HACD3: variants seen among roughly 807,000 people sequenced by gnomAD.
HACD3 encodes 3-hydroxyacyl-CoA dehydratase 3.
In HACD3, 30 loss-of-function variants were observed where a neutral mutation model predicts 55.2. The ratio of observed to expected loss-of-function variants is 0.54; its 90% CI spans 0.41 to 0.74. The LOEUF is 0.74. Ranked by LOEUF, HACD3 falls within the 30% of genes least tolerant of loss-of-function variation. HACD3 has a pLI of 0.00. For synonymous variants in HACD3, 141 were observed against 151.7 expected, an observed-to-expected ratio of 0.93 and a Z score of 0.52; for missense variants, 363 against 440.1, an observed-to-expected ratio of 0.82 and a Z score of 1.57.
intron 6 of HACD3, among the ~76,000 whole-genome samples, chr15:65,563,320 T>C (rs922193317): frequency 1.3e-5 from 2 of 152,320 alleles, no homozygotes; most frequent in East Asian, 3.9e-4. Context: ...CATAAAGATA[T>C]TAGTTCTTCT....
At chr15:65,532,458 T>G (rs915605815) in intron 1 of HACD3, among the ~76,000 whole-genome samples, 6 of 151,998 alleles carry the variant, frequency 3.9e-5, no homozygotes, top group Non-Finnish European at 7.4e-5. Flanking sequence ...AAACCCCATC[T>G]CTACTAAAAA....
intron 1 of HACD3, among the ~76,000 whole-genome samples, chr15:65,542,608 C>T (rs913700797): frequency 6.6e-6 from 1 of 151,872 alleles, no homozygotes; most frequent in African/African-American, 2.4e-5. Context: ...TTGCAAAACA[C>T]GCATATACAG....
At chr15:65,562,242 C>CCCT (rs1341506244) in intron 5 of HACD3, among the ~76,000 whole-genome samples, 1 of 152,204 alleles carries the variant, frequency 6.6e-6, no homozygotes, top group African/African-American at 2.4e-5. Context: ...GTGCAGTGTT[C>CCCT]CCTCCTCCAG....
intron 1 of HACD3, among the ~76,000 whole-genome samples, chr15:65,541,022 T>G (rs1194179681): frequency 6.6e-6 from 1 of 152,156 alleles, no homozygotes; most frequent in Non-Finnish European, 1.5e-5. Context: ...GATTTTGACT[T>G]AAGCACAGAG....
At chr15:65,551,061 T>C (rs1452493379) in intron 1 of HACD3, 1 of 152,222 alleles carries the variant, frequency 6.6e-6, no homozygotes. Flanking sequence ...AGGCACAGCG[T>C]GTTTCATTTT....
chr15:65,530,584 A>G lies in HACD3; in HGVS notation c.-48A>G, dbSNP rs2071886005. 1.3e-6 allele frequency: 2 copies of G among 1,501,718 alleles called. No homozygotes were observed. Among genetic ancestry groups the G allele is most frequent in the Admixed American group, 2.0e-5 (1 of 50,344 alleles). 93.0% of individuals were successfully genotyped at this position (1,501,718 alleles called of 1,614,324 possible). ...GCGCCAGCAGAGCACTACCTGAGGC[A>G]GCGAGGCGCAGCGAGCCTAGCCTCC... On this transcript the variant is annotated 5_prime_UTR_variant, in exon 1 of 11. Transcript: ENST00000261875.
At position 65,576,505 on chromosome 15, in the gene HACD3, CT is replaced by C; in HGVS notation, c.*130del. On this transcript the variant is annotated 3_prime_UTR_variant, in exon 11 of 11. Transcript: ENST00000261875. ...TTAAATTCTCAGTGAGGCTATCTTC[CT>C]TTTCCCCAGTAACATTCCTGAATTT... 6 of 1,007,530 alleles carry C rather than the reference CT, an allele frequency of 6.0e-6. No homozygotes were observed. Among genetic ancestry groups the C allele is most frequent in the Non-Finnish European group, 8.6e-6 (6 of 701,464 alleles). 62.4% of individuals were successfully genotyped at this position (1,007,530 alleles called of 1,614,324 possible).
At chr15:65,531,224 T>TGGGGGAGGGGAGGGGTG (rs2071895194) in intron 1 of HACD3, 1 of 18,468 alleles carries the variant, frequency 5.4e-5, no homozygotes, top group South Asian at 1.6e-3. Context: ...GGGGGAGGGG[T>TGGGGGAGGGGAGGGGTG]GGGGGGCCAC....
intron 1 of HACD3, among the ~76,000 whole-genome samples, chr15:65,535,480 C>G (rs947235383): frequency 2.0e-5 from 3 of 152,138 alleles, no homozygotes; most frequent in Non-Finnish European, 2.9e-5. Flanking sequence ...ACAGGCATAC[C>G]TTGTTTTATT....
chr15:65,551,854 C>A, intron 2 of HACD3, 136 bp downstream of exon 2: 1 of 925,264 alleles, frequency 1.1e-6, no homozygotes, highest in South Asian at 1.9e-5. Context: ...ATGAGGTAAG[C>A]TAAATTGTTT....
chr15:65,549,703 C>G (rs1197271537), intron 1 of HACD3, among the ~76,000 whole-genome samples: 1 of 151,578 alleles, frequency 6.6e-6, no homozygotes, highest in African/African-American at 2.4e-5. Flanking sequence ...GGACTATACA[C>G]TTAGGGTTAG....
At chr15:65,538,326 G>C (rs1444233759) in intron 1 of HACD3, among the ~76,000 whole-genome samples, 1 of 152,120 alleles carries the variant, frequency 6.6e-6, no homozygotes, top group Non-Finnish European at 1.5e-5. Flanking sequence ...AAAATGAACA[G>C]GAGTTTCGAA....
At chr15:65,556,480 T>C (rs1705379838) in intron 3 of HACD3, among the ~76,000 whole-genome samples, 1 of 85,506 alleles carries the variant, frequency 1.2e-5, no homozygotes, top group South Asian at 3.8e-4. Context: ...AGTCTAAATA[T>C]AGGTGAAGTT....
intron 1 of HACD3, among the ~76,000 whole-genome samples, chr15:65,541,947 T>A: frequency 6.6e-6 from 1 of 152,124 alleles, no homozygotes. Flanking sequence ...AATATCTGTT[T>A]TGGCCGGGTG....
intron 10 of HACD3, among the ~76,000 whole-genome samples, chr15:65,572,815 T>A (rs1027368163): frequency 6.0e-5 from 9 of 151,098 alleles, no homozygotes; most frequent in Admixed American, 1.3e-4. Context: ...CTCAGGAGGC[T>A]GAGGCAGGAG....
rs2072413084 is a variant in HACD3, at chr15:65,577,277, T to C, written c.*898T>C. 6.6e-6 allele frequency: 1 copy of C among 151,922 alleles called. No individual in the cohort carries two copies. The highest frequency in any genetic ancestry group is 6.6e-5 in the Admixed American group (1 of 15,240). The allele number at this position is 151,922 out of a possible 1,614,324, so 9.4% of individuals were successfully genotyped here. A position where few individuals can be genotyped will look rare whatever the true frequency, so the allele number is the denominator to read the frequency against. The stretch of plus-strand genomic sequence containing the variant: ...CCTATCTCTACAAAAAATAAAAAAA[T>C]TAGCTGGGTGTGATGGCACACACCT... On this transcript the variant is annotated 3_prime_UTR_variant, in exon 11 of 11. Transcript: ENST00000261875.
At chr15:65,534,759 C>T (rs1294033735) in intron 1 of HACD3, among the ~76,000 whole-genome samples, 2 of 152,190 alleles carry the variant, frequency 1.3e-5, no homozygotes, top group Non-Finnish European at 2.9e-5. Flanking sequence ...ATGAACCTGA[C>T]GCTCTTCATC....
intron 4 of HACD3, among the ~76,000 whole-genome samples, chr15:65,557,200 G>T (rs1405038740): frequency 1.3e-5 from 2 of 152,196 alleles, no homozygotes; most frequent in African/African-American, 4.8e-5. Context: ...ATACGGCCGG[G>T]CACGGTGGCT....
chr15:65,550,081 A>G (rs1430482080), intron 1 of HACD3, among the ~76,000 whole-genome samples: 1 of 152,226 alleles, frequency 6.6e-6, no homozygotes, highest in Non-Finnish European at 1.5e-5. Flanking sequence ...AGGAAGATAC[A>G]ACAATATTAA....
Sources: allele counts gnomAD v4.1 joint callset (sites outside exome capture counted in the v4.1 genomes callset), GRCh38; gene constraint gnomAD v4.1.1; transcripts MANE v1.5; gene names NCBI Gene and HGNC (gene_info 2026-07-23, HGNC 2026-07-21).